ADGRG1: variants seen among roughly 807,000 people sequenced by gnomAD.
ADGRG1 encodes the protein 7-transmembrane protein with no EGF-like N-terminal domains-1.
ADGRG1 carries 53 observed loss-of-function variants against 73.5 expected under a neutral mutation model. The ratio of observed to expected loss-of-function variants is 0.72; its 90% CI spans 0.58 to 0.91. The LOEUF is 0.91. Among genes scored for constraint, ADGRG1 ranks in the 40% least tolerant of loss-of-function variants. The pLI is 0.00. For missense variants in ADGRG1, 795 were observed against 871.8 expected (o/e 0.91, Z 1.11); for synonymous variants, 394 against 374.4 (o/e 1.05, Z -0.60).
upstream of ADGRG1, chr16:57,624,027 C>A: frequency 3.8e-6 from 1 of 261,440 alleles, no homozygotes; most frequent in Non-Finnish European, 5.9e-6. Context: ...GTTCTGCAAA[C>A]TGCAAATGGT....
intron 1 of ADGRG1, chr16:57,639,769 C>T (rs1404700825): frequency 1.3e-6 from 1 of 794,406 alleles, no homozygotes; most frequent in African/African-American, 1.9e-5. Context: ...CCTTCACTCC[C>T]CTTCCCCTCC....
intron 2 of ADGRG1, chr16:57,622,672 TG>T: frequency 1.6e-6 from 1 of 623,960 alleles, no homozygotes; most frequent in Non-Finnish European, 2.0e-6. Context: ...GGCAGGGGTA[TG>T]GCCAGAATGA....
rs994704811 is a variant in ADGRG1, at chr16:57,643,454, G to T, written c.-35-6799G>T. ...GGGAGTGCCCCAACTTCTCCCCTTT[G>T]TCACTCTTCCCACAGGGTGTGTCTG... is the stretch of plus-strand genomic sequence containing the variant. On this transcript the variant is annotated intron_variant, in intron 1 of 13. Coordinates refer to ENST00000562631, the MANE Select transcript of ADGRG1 (RefSeq NM_201525.4). 1.4e-5 allele frequency: 8 copies of T among 553,884 alleles called. No homozygotes were observed. In the African/African-American group the frequency reaches 1.6e-4, roughly 11 times the overall value. 34.3% of individuals were successfully genotyped at this position (553,884 alleles called of 1,614,324 possible). A position where few individuals can be genotyped will look rare whatever the true frequency, so the allele number is the denominator to read the frequency against.
At chr16:57,651,672 AG>A in intron 3 of ADGRG1, 50 bp downstream of exon 3, 1 of 1,574,442 alleles carries the variant, frequency 6.4e-7, no homozygotes. Flanking sequence ...GTCTAGAGGC[AG>A]GGAAGGCAAA....
intron 1 of ADGRG1, chr16:57,648,724 C>A: frequency 1.0e-6 from 1 of 983,706 alleles, no homozygotes; most frequent in Non-Finnish European, 1.2e-6. Context: ...GTCACTGTGG[C>A]CAGCTGCCGC....
chr16:57,644,765 TG>T lies in ADGRG1; in HGVS notation c.-35-5487del, dbSNP rs2147930575. Among the ~76,000 whole-genome samples, 3 of 125,034 alleles carry T rather than the reference TG, an allele frequency of 2.4e-5. No individual in the cohort carries two copies. The South Asian group carries it at 8.1e-4, about 34-fold the overall frequency. The allele number at this position is 125,034 out of a possible 152,430, so 82.0% of individuals were successfully genotyped here. On this transcript the variant is annotated intron_variant, in intron 1 of 13. Transcript: ENST00000562631. ...ACACGTATGCACGGGCACACACCCA[TG>T]CACACACACATATGCACACTCATGC...
intron 1 of ADGRG1, chr16:57,644,223 C>G (rs1282344822): frequency 1.0e-6 from 1 of 980,984 alleles, no homozygotes; most frequent in East Asian, 1.1e-4. Flanking sequence ...GGCACACGCA[C>G]TCATGCACAC....
rs554441970 is a variant in ADGRG1, at chr16:57,661,313, T to C, written c.1665-384T>C. 6.1e-5 allele frequency: 60 copies of C among 985,274 alleles called. 1 individual carries two copies. In the South Asian group the frequency reaches 2.1e-3, roughly 35 times the overall value. The allele number at this position is 985,274 out of a possible 1,614,324, so 61.0% of individuals were successfully genotyped here. A position where few individuals can be genotyped will look rare whatever the true frequency, so the allele number is the denominator to read the frequency against. On this transcript the variant is annotated intron_variant, in intron 12 of 13. Transcript: ENST00000562631. ...GGGTTGAAGTCCAGTCCTTCTCCACTCACCTGATTCACCCAGGCTGGCAGC... is the reference window on the plus strand; with the variant it reads ...GGGTTGAAGTCCAGTCCTTCTCCACCCACCTGATTCACCCAGGCTGGCAGC...
intron 1 of ADGRG1, chr16:57,643,804 T>A: frequency 2.1e-6 from 2 of 969,340 alleles, no homozygotes; most frequent in South Asian, 4.9e-5. Flanking sequence ...ACTTGGGGAG[T>A]GGGAATGGGG....
At position 57,663,509 on chromosome 16, in the gene ADGRG1, C is replaced by G; in HGVS notation, c.1991C>G (p.Ser664Cys). ...SMRLQARGGPSPLKSNSDSAR... is the reference protein window; with the variant it reads ...SMRLQARGGPCPLKSNSDSAR... ...CGGCTGCAGGCCCGGGGTGGCCCCT[C>G]CCCTCTGAAGAGCAACTCAGACAGC... Residue 664 changes from serine to cysteine, a missense_variant, in exon 14 of 14, where the codon TCC (serine) becomes TGC (cysteine). Physicochemically the swap from Ser to Cys is moderately radical, Grantham distance 112. Transcript: ENST00000562631. The G allele has an allele frequency of 6.2e-7, 1 of 1,613,954 alleles. No homozygotes were observed. Among genetic ancestry groups the G allele is most frequent in the Non-Finnish European group, 8.5e-7 (1 of 1,179,944 alleles).
upstream of ADGRG1, among the ~76,000 whole-genome samples, chr16:57,625,210 C>T (rs139991885): frequency 3.7e-3 from 556 of 152,310 alleles, 3 homozygotes; most frequent in African/African-American, 0.013. Context: ...CTGGCGACCC[C>T]AGTCCCTCAC....
intron 1 of ADGRG1, chr16:57,646,270 G>A (rs1337148871): frequency 1.3e-5 from 7 of 551,692 alleles, no homozygotes; most frequent in East Asian, 2.9e-4. Flanking sequence ...GGGAGAAAGC[G>A]AGCCGTGGGT....
At chr16:57,643,264 C>T (rs1035090031) in intron 1 of ADGRG1, 14 of 152,302 alleles carry the variant, frequency 9.2e-5, no homozygotes, top group African/African-American at 3.1e-4. Flanking sequence ...CAAGGCCAGG[C>T]TTCTTCCTGG....
chr16:57,639,203 G>T (rs1317039220), intron 1 of ADGRG1: 5 of 932,602 alleles, frequency 5.4e-6, no homozygotes, highest in South Asian at 4.9e-5. Flanking sequence ...AGACAGGCAG[G>T]TGTCCCCGGG....
At chr16:57,642,041 C>A in intron 1 of ADGRG1, 1 of 974,898 alleles carries the variant, frequency 1.0e-6, no homozygotes, top group Non-Finnish European at 1.2e-6. Flanking sequence ...GCAAGCACTA[C>A]TACCCCTGGC....
rs938562402 is a variant in ADGRG1 at position 57,659,163 on chromosome 16, C to T, written c.1287-250C>T. ...TATTACTGTGGTTGTCTTCCTCGCT[C>T]TGCCTGGCTGAGGCTTCTGTTAAAC... On this transcript the variant is annotated intron_variant, in intron 10 of 13. Coordinates refer to ENST00000562631, the MANE Select transcript of ADGRG1 (RefSeq NM_201525.4). 6 of 985,312 alleles carry T rather than the reference C, an allele frequency of 6.1e-6. No homozygotes were observed. The African/African-American group carries it at 7.0e-5, about 11-fold the overall frequency. The allele number at this position is 985,312 out of a possible 1,614,324, so 61.0% of individuals were successfully genotyped here.
intron 5 of ADGRG1, 60 bp downstream of exon 5, chr16:57,654,193 G>A (rs960015282): frequency 1.3e-6 from 2 of 1,542,084 alleles, no homozygotes; most frequent in African/African-American, 1.4e-5. Flanking sequence ...GATGGAGGTG[G>A]GGGCTGTGAG....
chr16:57,658,751 A>G (rs1266621653), intron 10 of ADGRG1: 1 of 153,614 alleles, frequency 6.5e-6, no homozygotes, highest in Non-Finnish European at 1.4e-5. Flanking sequence ...GCTTTGTGTC[A>G]GTGTAACTCT....
At chr16:57,643,987 C>A in intron 1 of ADGRG1, 1 of 985,000 alleles carries the variant, frequency 1.0e-6, no homozygotes, top group Non-Finnish European at 1.2e-6. Context: ...CATGCTATTT[C>A]CAAGTAAGAT....
Sources: allele counts gnomAD v4.1 joint callset (sites outside exome capture counted in the v4.1 genomes callset), GRCh38; gene constraint gnomAD v4.1.1; transcripts MANE v1.5; gene names NCBI Gene and HGNC (gene_info 2026-07-23, HGNC 2026-07-21).